Variants in GRIP2 observed in about 807,000 individuals in gnomAD.
The protein encoded by GRIP2 is glutamate receptor interacting protein 2.
Under a neutral mutation model 108.3 loss-of-function variants are expected in GRIP2, and 58 were observed. The observed-to-expected ratio is 0.54, with a 90% CI of 0.43 to 0.67. The LOEUF (loss-of-function observed/expected upper bound fraction) is 0.67. GRIP2 is among the 30% of genes least tolerant of loss of function. The pLI is 0.00. For missense variants in GRIP2, 1,278 were observed against 1,430.6 expected (o/e 0.89, Z 1.72); for synonymous variants, 586 against 598.2 (o/e 0.98, Z 0.30).
chr3:14,557,749 G>A (rs1408937224), upstream of GRIP2, among the ~76,000 whole-genome samples: 1 of 152,260 alleles, frequency 6.6e-6, no homozygotes, highest in Admixed American at 6.5e-5. Context: ...GCCTCTAGAG[G>A]AGCAGCAAAG....
At chr3:14,503,246 C>T (rs1281679898) in intron 21 of GRIP2, among the ~76,000 whole-genome samples, 2 of 151,048 alleles carry the variant, frequency 1.3e-5, no homozygotes, top group African/African-American at 5.0e-5. Context: ...GAAATACACT[C>T]TGCAAATGTG....
chr3:14,533,345 A>T (rs970937161), intron 1 of GRIP2, among the ~76,000 whole-genome samples: 1 of 152,122 alleles, frequency 6.6e-6, no homozygotes. Context: ...ATCCCTCTCT[A>T]TCTCCAGCTG....
Position 14,507,114 on chromosome 3 carries a change from A to G in GRIP2, c.2219-134T>C. 1 of 835,796 alleles carries G rather than the reference A, an allele frequency of 1.2e-6. No individual in the cohort carries two copies. The highest frequency in any genetic ancestry group is 2.9e-5 in the Admixed American group (1 of 34,872). The allele number at this position is 835,796 out of a possible 1,614,324, so 51.8% of individuals were successfully genotyped here. A position where few individuals can be genotyped will look rare whatever the true frequency, so the allele number is the denominator to read the frequency against. On this transcript the variant is annotated intron_variant, in intron 18 of 23. Transcript: ENST00000621039. The surrounding 1 kb of genome is among the most constrained non-coding windows in gnomAD (Gnocchi z 4.6). ...GCTGACATATGACCATGGCACACTAATAAGCAAACCTGTTTCACAGATGGG... is the reference window on the plus strand; with the variant it reads ...GCTGACATATGACCATGGCACACTAGTAAGCAAACCTGTTTCACAGATGGG...
chr3:14,547,451 G>C (rs1408457900), intron 1 of GRIP2, among the ~76,000 whole-genome samples: 1 of 152,212 alleles, frequency 6.6e-6, no homozygotes, highest in Non-Finnish European at 1.5e-5. Context: ...CCAGAACCAT[G>C]TGTGCTTTGA....
intron 11 of GRIP2, among the ~76,000 whole-genome samples, chr3:14,515,156 C>G (rs1347659274): frequency 6.6e-6 from 1 of 152,226 alleles, no homozygotes; most frequent in African/African-American, 2.4e-5. Flanking sequence ...CCACATTTTG[C>G]AGGTGTCAGA....
intron 1 of GRIP2, among the ~76,000 whole-genome samples, chr3:14,552,932 T>C (rs1228904328): frequency 6.6e-6 from 1 of 151,860 alleles, no homozygotes; most frequent in East Asian, 1.9e-4. Context: ...AGTCCTCCAC[T>C]CTCTCCTGCT....
At chr3:14,519,634 C>T (rs1307818902) in intron 9 of GRIP2, among the ~76,000 whole-genome samples, 1 of 152,078 alleles carries the variant, frequency 6.6e-6, no homozygotes, top group Admixed American at 6.5e-5. Context: ...GACCCCCAGA[C>T]CACCCACTTC....
the GRIP2 span, among the ~76,000 whole-genome samples, chr3:14,596,435 C>G: frequency 6.6e-6 from 1 of 152,136 alleles, no homozygotes; most frequent in African/African-American, 2.4e-5. Flanking sequence ...ATCAGAAACT[C>G]TGGTGGTTGA....
chr3:14,533,085 T>TC (rs1177280573), intron 1 of GRIP2, among the ~76,000 whole-genome samples: 1 of 152,250 alleles, frequency 6.6e-6, no homozygotes, highest in Non-Finnish European at 1.5e-5. Context: ...GCTCCGCTCA[T>TC]CCGCCTTCCA....
At chr3:14,576,563 T>C in the GRIP2 span, among the ~76,000 whole-genome samples, 2 of 152,206 alleles carry the variant, frequency 1.3e-5, no homozygotes, top group Admixed American at 1.3e-4. Context: ...TTGAACTTGA[T>C]CCTCACAGCA....
chr3:14,563,505 C>T, the GRIP2 span, among the ~76,000 whole-genome samples: 1 of 151,898 alleles, frequency 6.6e-6, no homozygotes, highest in Non-Finnish European at 1.5e-5. Context: ...GGAGGAGCAG[C>T]GTGGGCCTGG....
intron 16 of GRIP2, 32 bp from the exon 17 acceptor site, chr3:14,509,996 C>A: frequency 7.1e-7 from 1 of 1,406,108 alleles, no homozygotes; most frequent in Non-Finnish European, 9.3e-7. Flanking sequence ...AGGAGGAGGC[C>A]CCCGAGGGGG....
chr3:14,518,498 A>G (rs979648819), intron 9 of GRIP2, among the ~76,000 whole-genome samples: 1 of 151,992 alleles, frequency 6.6e-6, no homozygotes, highest in Non-Finnish European at 1.5e-5. Context: ...CCTTATCCAC[A>G]GTGAATTCTT....
At chr3:14,524,284 T>C in intron 4 of GRIP2, 109 bp downstream of exon 4, 2 of 1,307,708 alleles carry the variant, frequency 1.5e-6, no homozygotes, top group South Asian at 2.9e-5. Flanking sequence ...CTCCAGGTTC[T>C]ACCCACTCCA....
the GRIP2 span, among the ~76,000 whole-genome samples, chr3:14,587,650 A>C: frequency 6.6e-6 from 1 of 151,608 alleles, no homozygotes; most frequent in Non-Finnish European, 1.5e-5. Context: ...AAAAAAAAAA[A>C]AAAAACAAAA....
the GRIP2 span, among the ~76,000 whole-genome samples, chr3:14,583,058 T>C: frequency 6.6e-6 from 1 of 152,212 alleles, no homozygotes; most frequent in Non-Finnish European, 1.5e-5. Flanking sequence ...TCAGAGCAAG[T>C]GGCTGAGCAG....
At chr3:14,572,473 G>A in the GRIP2 span, among the ~76,000 whole-genome samples, 8 of 151,190 alleles carry the variant, frequency 5.3e-5, no homozygotes, top group Non-Finnish European at 8.9e-5. Context: ...TTAGCCGGGC[G>A]TGGTGGCGGG....
the GRIP2 span, among the ~76,000 whole-genome samples, chr3:14,592,339 T>C: frequency 1.3e-5 from 2 of 152,110 alleles, no homozygotes; most frequent in Non-Finnish European, 2.9e-5. Context: ...GGAGGTGCCA[T>C]CCAAGTTTAA....
At chr3:14,562,915 A>G in the GRIP2 span, among the ~76,000 whole-genome samples, 1 of 152,180 alleles carries the variant, frequency 6.6e-6, no homozygotes, top group South Asian at 2.1e-4. Context: ...ATCAGTGGGG[A>G]GAAAGTACAA....
Sources: gnomAD v4.1 joint callset for allele counts (sites outside exome capture counted in the v4.1 genomes callset) on GRCh38, gnomAD v4.1.1 for gene constraint, Gnocchi (gnomAD v3.1) non-coding constraint, MANE v1.5 for transcripts, NCBI Gene and HGNC (gene_info 2026-07-23, HGNC 2026-07-21) for gene names.